The following DHX57 variants were observed in gnomAD, a reference collection of about 807,000 sequenced individuals.
The protein encoded by DHX57 is putative ATP-dependent RNA helicase DHX57.
DHX57 carries 105 observed loss-of-function variants against 156.2 expected under a neutral mutation model. That is an observed-to-expected ratio of 0.67 (90% confidence interval 0.57 to 0.79). The LOEUF is 0.79. Ranked by LOEUF, DHX57 falls within the 30% of genes least tolerant of loss-of-function variation. The pLI is 0.00. For missense variants in DHX57, 1,847 were observed against 1,661.9 expected (o/e 1.11, Z -1.94); for synonymous variants, 704 against 595.6 (o/e 1.18, Z -2.65).
At chr2:38,812,991 GCA>G (rs1450266069) in intron 21 of DHX57, among the ~76,000 whole-genome samples, 1 of 152,082 alleles carries the variant, frequency 6.6e-6, no homozygotes, top group African/African-American at 2.4e-5. Flanking sequence ...GGGATTACAG[GCA>G]TGCACCACCA....
At chr2:38,842,355 T>C (rs1672052438) in intron 12 of DHX57, among the ~76,000 whole-genome samples, 1 of 152,184 alleles carries the variant, frequency 6.6e-6, no homozygotes, top group South Asian at 2.1e-4. Flanking sequence ...GGATCCTGAA[T>C]CAGGAAAATA....
chr2:38,856,565 G>A, intron 6 of DHX57, 104 bp from the exon 7 acceptor site: 7 of 1,386,960 alleles, frequency 5.0e-6, no homozygotes, highest in Non-Finnish European at 6.7e-6. Context: ...GTGCAGTGGT[G>A]CGATCACGGC....
At chr2:38,861,922 T>C (rs1673245951) in intron 4 of DHX57, 85 bp from the exon 5 acceptor site, 1 of 1,396,844 alleles carries the variant, frequency 7.2e-7, no homozygotes, top group Admixed American at 2.4e-5. Context: ...TATGCTTAGA[T>C]GAAGTTATGA....
Position 38,806,562 on chromosome 2 carries a change from A to G in DHX57, c.3813T>C (p.Tyr1271=). Residue 1271 remains tyrosine, a synonymous_variant, in exon 22 of 24, where the codon TAT becomes TAC. Transcript: ENST00000457308. ...YVHIHPSSVN[Y]QVRHFDSPYL... is the part of the protein sequence containing the mutation. ...AAGTATACTCCACCATTCTGACCTGATAGTTCACTGATGAAGGGTGAATGT... is the reference window on the plus strand; with the variant it reads ...AAGTATACTCCACCATTCTGACCTGGTAGTTCACTGATGAAGGGTGAATGT... The G allele has an allele frequency of 1.2e-6, 2 of 1,614,016 alleles. No homozygotes were observed. Among genetic ancestry groups the G allele is most frequent in the Non-Finnish European group, 1.7e-6 (2 of 1,179,996 alleles).
intron 21 of DHX57, among the ~76,000 whole-genome samples, chr2:38,807,452 G>C (rs1572619191): frequency 6.6e-6 from 1 of 152,008 alleles, no homozygotes; most frequent in Non-Finnish European, 1.5e-5. Flanking sequence ...CCGCCTCCCG[G>C]GTTCACGCCA....
At chr2:38,869,227 A>T (rs1373206947) in intron 1 of DHX57, among the ~76,000 whole-genome samples, 1 of 152,236 alleles carries the variant, frequency 6.6e-6, no homozygotes, top group East Asian at 1.9e-4. Flanking sequence ...GCCAAGGGCA[A>T]AAGGGAAGTA....
intron 21 of DHX57, among the ~76,000 whole-genome samples, chr2:38,809,317 T>C (rs1244378433): frequency 1.3e-5 from 2 of 151,196 alleles, no homozygotes; most frequent in Non-Finnish European, 2.9e-5. Flanking sequence ...TAGAGACAAG[T>C]TCTCACTCTG....
chr2:38,861,147 T>C lies in DHX57; in HGVS notation c.1263A>G (p.Ile421Met). 1.2e-6 allele frequency: 2 copies of C among 1,614,216 alleles called. No individual in the cohort carries two copies. The highest frequency in any genetic ancestry group is 8.5e-7 in the Non-Finnish European group (1 of 1,180,036). ...LITLLEEESE[I>M]VKLLTNTHHK... ...GGTGGGTATTCGTTAGTAACTTGAC[T>C]ATTTCCGACTCTTCCTCTAAAAGGG... is the stretch of plus-strand genomic sequence containing the variant. Residue 421 changes from isoleucine to methionine, a missense_variant, in exon 5 of 24, where the codon ATA (isoleucine) becomes ATG (methionine). Physicochemically the swap from Ile to Met is conservative, Grantham distance 10. Transcript: ENST00000457308.
intron 13 of DHX57, among the ~76,000 whole-genome samples, chr2:38,835,217 C>T (rs1373603552): frequency 6.6e-6 from 1 of 152,078 alleles, no homozygotes; most frequent in Non-Finnish European, 1.5e-5. Context: ...AAAAAAAATG[C>T]CACAAAGGAC....
intron 16 of DHX57, among the ~76,000 whole-genome samples, chr2:38,825,451 T>G (rs1387349086): frequency 6.6e-6 from 1 of 152,166 alleles, no homozygotes. Context: ...TACAGGTGTG[T>G]GCTATCACAC....
At chr2:38,835,668 C>T (rs935241239) in intron 13 of DHX57, among the ~76,000 whole-genome samples, 1 of 152,074 alleles carries the variant, frequency 6.6e-6, no homozygotes, top group African/African-American at 2.4e-5. Context: ...GTCAATGCTA[C>T]GAAAGAGAAT....
intron 14 of DHX57, among the ~76,000 whole-genome samples, chr2:38,827,131 C>A (rs1017526556): frequency 1.1e-5 from 1 of 87,672 alleles, no homozygotes; most frequent in African/African-American, 3.4e-5. Flanking sequence ...GACTCCGTCT[C>A]GAAAAATAAA....
At position 38,863,515 on chromosome 2, in the gene DHX57, T is replaced by C. The variant is rs1414329037; in HGVS notation, c.229A>G (p.Ser77Gly). ...TCTCCTTTGCTTATGTTACTGTTGC[T>C]AGGTCTATAGAGAACAAAAGAGCAA... ...FSESRRPSRP[S>G]NSNISKGESR... Residue 77 changes from serine to glycine, a missense_variant, in exon 3 of 24, where the codon AGC (serine) becomes GGC (glycine). By Grantham distance (56) the Ser-to-Gly change is moderately conservative (BLOSUM62 0). Transcript: ENST00000457308. 1 of 1,609,836 alleles carries C rather than the reference T, an allele frequency of 6.2e-7. No homozygotes were observed.
intron 1 of DHX57, among the ~76,000 whole-genome samples, chr2:38,873,058 G>A (rs993420074): frequency 9.9e-5 from 15 of 152,014 alleles, no homozygotes; most frequent in Non-Finnish European, 1.0e-4. Context: ...CACAATCTTG[G>A]CTCACAGCAA....
At chr2:38,810,975 CT>C in intron 21 of DHX57, 1 of 816,436 alleles carries the variant, frequency 1.2e-6, no homozygotes, top group Non-Finnish European at 2.1e-6. Context: ...TGCTGGTCAC[CT>C]TCACAGGGAC....
At chr2:38,823,416 CA>C (rs1308202783) in intron 16 of DHX57, 147 bp from the exon 17 acceptor site, 21 of 812,192 alleles carry the variant, frequency 2.6e-5, no homozygotes, top group Non-Finnish European at 3.7e-5. Flanking sequence ...CAATAAACCA[CA>C]AAAACACTTT....
At chr2:38,827,759 C>A (rs925857992) in intron 14 of DHX57, among the ~76,000 whole-genome samples, 2 of 151,874 alleles carry the variant, frequency 1.3e-5, no homozygotes, top group African/African-American at 4.8e-5. Flanking sequence ...GGTAGGACTT[C>A]TTTGTTGTTA....
intron 1 of DHX57, 38 bp from the exon 2 acceptor site, chr2:38,868,449 C>T: frequency 6.3e-7 from 1 of 1,589,868 alleles, no homozygotes; most frequent in Non-Finnish European, 8.6e-7. Context: ...ATCATAAAAC[C>T]AGACATGTAT....
rs1254487834 is a variant in DHX57, at chr2:38,818,931, C to G, written c.3417G>C (p.Val1139=). The G allele has an allele frequency of 6.2e-7, 1 of 1,614,080 alleles. No homozygotes were observed. Among genetic ancestry groups the G allele is most frequent in the African/African-American group, 1.3e-5 (1 of 74,932 alleles). Residue 1139 remains valine, a synonymous_variant, in exon 19 of 24, where the codon GTG becomes GTC. Transcript: ENST00000457308. ...KGWQLSTKEG[V]RASYNYCRQN... ...GTCTGCAGTAATTATAACTTGCACG[C>G]ACGCCTTCTTTTGTACTTAGCTGCC...
Sources: allele counts gnomAD v4.1 joint callset (sites outside exome capture counted in the v4.1 genomes callset), GRCh38; gene constraint gnomAD v4.1.1; transcripts MANE v1.5; gene names NCBI Gene and HGNC (gene_info 2026-07-23, HGNC 2026-07-21).